PDE4D: variants seen among roughly 807,000 people sequenced by gnomAD.
PDE4D encodes phosphodiesterase 4D, also known as 3',5'-cyclic-AMP phosphodiesterase 4D.
PDE4D carries 24 observed loss-of-function variants against 87.4 expected under a neutral mutation model. The observed-to-expected ratio is 0.27, with a 90% confidence interval of 0.20 to 0.39. The LOEUF (loss-of-function observed/expected upper bound fraction) is 0.39, where lower values mean the gene tolerates loss of function less well. Ranked by LOEUF, PDE4D falls within the 10% of genes least tolerant of loss-of-function variation. The pLI is 1.00. For synonymous variants in PDE4D, 384 were observed against 383.2 expected (o/e 1.00, Z -0.02); for missense variants, 714 against 1,041.0 (o/e 0.69, Z 4.32).
intron 1 of PDE4D, among the ~76,000 whole-genome samples, chr5:60,320,690 T>C (rs555647538): frequency 5.3e-5 from 8 of 152,268 alleles, no homozygotes; most frequent in African/African-American, 1.9e-4. Context: ...CTAGATCTGA[T>C]AAACAACTTC....
At chr5:60,408,123 C>A (rs1424575987) in intron 1 of PDE4D, among the ~76,000 whole-genome samples, 1 of 152,144 alleles carries the variant, frequency 6.6e-6, no homozygotes, top group Non-Finnish European at 1.5e-5. Flanking sequence ...CTTTATGTGA[C>A]CCCATCCTGG....
chr5:59,115,020 C>A (rs1773354351), intron 5 of PDE4D, among the ~76,000 whole-genome samples: 1 of 151,888 alleles, frequency 6.6e-6, no homozygotes. Context: ...GGAACTTCAA[C>A]CAGTTTTGAA....
intron 2 of PDE4D, among the ~76,000 whole-genome samples, chr5:60,032,272 CTATGGTAT>C (rs1220130585): frequency 2.1e-4 from 32 of 152,290 alleles, no homozygotes; most frequent in African/African-American, 7.5e-4. Flanking sequence ...CCCCTTTAGA[CTATGGTAT>C]GCTCATTTAA....
intron 2 of PDE4D, among the ~76,000 whole-genome samples, chr5:60,177,232 G>C (rs1022120816): frequency 5.9e-5 from 9 of 152,074 alleles, no homozygotes; most frequent in African/African-American, 2.2e-4. Context: ...AAACAGACAG[G>C]CTTGGTGGGA....
At chr5:60,505,971 C>A (rs2150250454) in intron 1 of PDE4D, among the ~76,000 whole-genome samples, 1 of 152,340 alleles carries the variant, frequency 6.6e-6, no homozygotes, top group South Asian at 2.1e-4. Flanking sequence ...CCCACACAGC[C>A]AACACAATTT....
chr5:60,016,021 C>CTG (rs1463107253), intron 2 of PDE4D, among the ~76,000 whole-genome samples: 146 of 147,460 alleles, frequency 9.9e-4, no homozygotes, highest in African/African-American at 3.5e-3. Flanking sequence ...TTCTCTCTCT[C>CTG]TCTCTGTGTG....
intron 1 of PDE4D, among the ~76,000 whole-genome samples, chr5:59,247,939 C>T (rs961401922): frequency 6.7e-6 from 1 of 149,074 alleles, no homozygotes; most frequent in Non-Finnish European, 1.5e-5. Context: ...AAGATACTCT[C>T]TTCCTGTCCC....
chr5:59,768,535 G>A, intron 1 of PDE4D: 1 of 1,596,048 alleles, frequency 6.3e-7, no homozygotes. Context: ...TGTACAGCTG[G>A]CAAGAATCCA....
chr5:60,125,605 C>CAG lies in PDE4D; in HGVS notation c.42+59950_42+59951dup, dbSNP rs371540493. 8.9e-3 allele frequency among the ~76,000 whole-genome samples: 1,344 copies of CAG among 150,494 alleles called. 14 individuals carry two copies. Among genetic ancestry groups the CAG allele is most frequent in the African/African-American group, 0.03 (1,222 of 41,156 alleles). The stretch of plus-strand genomic sequence containing the variant: ...AAGCGGGGAGACAAAGAGAGAAAGA[C>CAG]AGAGAGAGAGAGAGAGAAGAGTGAT... On this transcript the variant is annotated intron_variant, in intron 2 of 16. Coordinates refer to the PDE4D transcript ENST00000502484.
At chr5:60,093,046 T>C (rs1414764595) in intron 2 of PDE4D, among the ~76,000 whole-genome samples, 1 of 150,920 alleles carries the variant, frequency 6.6e-6, no homozygotes, top group Non-Finnish European at 1.5e-5. Context: ...TCTGATAGAT[T>C]GAATGTGTCC....
intron 5 of PDE4D, among the ~76,000 whole-genome samples, chr5:59,040,991 T>C (rs918629553): frequency 1.3e-5 from 2 of 152,314 alleles, no homozygotes; most frequent in Admixed American, 1.3e-4. Context: ...CAAGAATACT[T>C]GAACTATTTA....
intron 6 of PDE4D, among the ~76,000 whole-genome samples, chr5:59,012,356 G>T (rs1312838831): frequency 6.6e-6 from 1 of 152,136 alleles, no homozygotes; most frequent in Non-Finnish European, 1.5e-5. Context: ...ACACAGACTA[G>T]CAAATTGGAT....
At chr5:59,482,626 G>A (rs772112195) in intron 1 of PDE4D, among the ~76,000 whole-genome samples, 15 of 152,198 alleles carry the variant, frequency 9.9e-5, no homozygotes, top group Middle Eastern at 3.4e-3. Flanking sequence ...AGAAGTTATT[G>A]TGATGCCTTA....
chr5:60,509,159 C>A (rs1480678001), intron 1 of PDE4D, among the ~76,000 whole-genome samples: 1 of 152,178 alleles, frequency 6.6e-6, no homozygotes, highest in Non-Finnish European at 1.5e-5. Context: ...CTTATTACAG[C>A]CTTCTTGTGC....
intron 1 of PDE4D, among the ~76,000 whole-genome samples, chr5:59,421,878 A>G (rs564742415): frequency 6.6e-6 from 1 of 152,342 alleles, no homozygotes; most frequent in South Asian, 2.1e-4. Flanking sequence ...AATGAATTTT[A>G]CAAGAATTTA....
chr5:59,814,981 GTTT>G (rs1561705318), intron 1 of PDE4D, among the ~76,000 whole-genome samples: 20 of 152,132 alleles, frequency 1.3e-4, no homozygotes, highest in African/African-American at 4.8e-4. Flanking sequence ...ATATACACAC[GTTT>G]TTGCACAGAG....
chr5:59,790,461 G>A (rs1026720216), intron 1 of PDE4D, among the ~76,000 whole-genome samples: 1 of 152,088 alleles, frequency 6.6e-6, no homozygotes, highest in Non-Finnish European at 1.5e-5. Context: ...GCAATTTCCC[G>A]GTAAAGAAAG....
chr5:59,515,083 G>A (rs912864685), intron 1 of PDE4D, among the ~76,000 whole-genome samples: 1 of 152,116 alleles, frequency 6.6e-6, no homozygotes, highest in African/African-American at 2.4e-5. Context: ...AGAGATTAAA[G>A]GGGAAAAACC....
chr5:59,417,853 C>T lies in PDE4D; in HGVS notation c.456-201885G>A, dbSNP rs184074552. ...CATCACAATGTCTCTAGCAAACATT[C>T]GCCGCTATCTACTTTATTCCTAGCA... On this transcript the variant is annotated intron_variant, in intron 1 of 14. Coordinates refer to ENST00000340635, the MANE Select transcript of PDE4D (RefSeq NM_001104631.2). Among the ~76,000 whole-genome samples, 388 of 152,266 alleles carry T rather than the reference C, an allele frequency of 2.5e-3. 2 individuals are homozygous for T. The highest frequency in any genetic ancestry group is 7.4e-4 in the Non-Finnish European group (50 of 68,020).
Sources: gnomAD v4.1 joint callset for allele counts (sites outside exome capture counted in the v4.1 genomes callset) on GRCh38, gnomAD v4.1.1 for gene constraint, MANE v1.5 for transcripts, NCBI Gene and HGNC (gene_info 2026-07-23, HGNC 2026-07-21) for gene names.